The following BOD1L1 variants were observed in gnomAD, a reference collection of about 807,000 sequenced individuals.
BOD1L1 encodes the protein biorientation of chromosomes in cell division protein 1-like 1.
A neutral mutation model predicts 240.7 loss-of-function variants in BOD1L1; 86 were observed. The observed-to-expected ratio is 0.36, with a 90% CI of 0.30 to 0.43. The LOEUF (loss-of-function observed/expected upper bound fraction) is 0.43, where lower values mean the gene tolerates loss of function less well. Ranked by LOEUF, BOD1L1 falls within the 20% of genes least tolerant of loss-of-function variation. The pLI is 1.00. For missense variants in BOD1L1, 3,554 were observed against 3,643.5 expected (o/e 0.98, Z 0.63); for synonymous variants, 1,268 against 1,272.3 (o/e 1.00, Z 0.07).
intron 1 of BOD1L1, chr4:13,624,608 A>T (rs1242216951): frequency 6.6e-6 from 1 of 152,036 alleles, no homozygotes; most frequent in Non-Finnish European, 1.5e-5. Context: ...TTTACTAGAG[A>T]TGGGGTTTCA....
intron 8 of BOD1L1, among the ~76,000 whole-genome samples, chr4:13,607,433 G>C (rs947023513): frequency 1.3e-5 from 2 of 152,126 alleles, no homozygotes; most frequent in African/African-American, 4.8e-5. Context: ...CAAGTAGCTG[G>C]GATTACAGGC....
At position 13,627,477 on chromosome 4, in the gene BOD1L1, GCCGGGGCCAGCC is replaced by G. The variant is rs1717489047; in HGVS notation, c.99_110del (p.Pro36_Gly39del). ...CACCCGCGCCGCCCGCCCCGCCCGC[GCCGGGGCCAGCC>G]CCGGGGCCCGGCGGCGGCGGCGGTG... On this transcript the variant is annotated inframe_deletion, in exon 1 of 26. Transcript: ENST00000040738. The G allele has an allele frequency of 9.8e-7, 1 of 1,021,158 alleles. No homozygotes were observed. The highest frequency in any genetic ancestry group is 1.2e-6 in the Non-Finnish European group (1 of 857,768). 63.3% of individuals were successfully genotyped at this position (1,021,158 alleles called of 1,614,324 possible). A position where few individuals can be genotyped will look rare whatever the true frequency, so the allele number is the denominator to read the frequency against.
At chr4:13,574,180 T>C (rs1712499637) in intron 25 of BOD1L1, among the ~76,000 whole-genome samples, 1 of 152,030 alleles carries the variant, frequency 6.6e-6, no homozygotes, top group African/African-American at 2.4e-5. Context: ...AGTCAGAGAA[T>C]GCTAAGGAGG....
chr4:13,620,121 A>G, intron 1 of BOD1L1, 54 bp from the exon 2 acceptor site: 1 of 1,486,374 alleles, frequency 6.7e-7, no homozygotes, highest in Non-Finnish European at 9.0e-7. Flanking sequence ...ATCAATATTC[A>G]CCTCTCAGAA....
intron 25 of BOD1L1, among the ~76,000 whole-genome samples, chr4:13,573,545 A>T (rs1712433211): frequency 6.8e-6 from 1 of 146,072 alleles, no homozygotes. Flanking sequence ...TTCTTTTGAG[A>T]AAGAGCCTCG....
Position 13,601,419 on chromosome 4 carries a change from C to G in BOD1L1, c.5481G>C (p.Glu1827Asp). ...TGGCCACTGTGCTGTCCATTGCACT[C>G]TCTCCATTTTCTTCCGATTCAGAAC... Reference protein sequence around the residue: ...AISSESEENGESAMDSTVAKE... With the variant: ...AISSESEENGDSAMDSTVAKE... The change falls in exon 10 of 26, where the codon GAG (glutamate) becomes GAC (aspartate). Residue 1827 changes from glutamate to aspartate, a missense_variant. By Grantham distance (45) the Glu-to-Asp change is conservative. Coordinates refer to ENST00000040738, the MANE Select transcript of BOD1L1 (RefSeq NM_148894.3). 2.5e-6 allele frequency: 4 copies of G among 1,614,048 alleles called. No homozygotes were observed. The highest frequency in any genetic ancestry group is 2.2e-5 in the South Asian group (2 of 91,088).
Position 13,604,866 on chromosome 4 carries a change from C to T in BOD1L1, c.2034G>A (p.Arg678=). The part of the protein sequence containing the change: ...QEETDTRDVK[R]QVERSEICTE... ...TGCAAATTTCTGAGCGTTCTACTTGCCTTTTTACATCTCTTGTGTCAGTCT... is the reference window on the plus strand; with the variant it reads ...TGCAAATTTCTGAGCGTTCTACTTGTCTTTTTACATCTCTTGTGTCAGTCT... Residue 678 remains arginine, a synonymous_variant, in exon 10 of 26, where the codon AGG becomes AGA. Transcript: ENST00000040738. 6.2e-7 allele frequency: 1 copy of T among 1,612,180 alleles called. No homozygotes were observed. The highest frequency in any genetic ancestry group is 8.5e-7 in the Non-Finnish European group (1 of 1,179,484).
intron 13 of BOD1L1, 48 bp downstream of exon 13, chr4:13,591,869 ATAAAAT>A: frequency 7.2e-7 from 1 of 1,397,236 alleles, no homozygotes; most frequent in East Asian, 2.5e-5. Context: ...CTCCAAAAAA[ATAAAAT>A]TAAAAAACCC....
Position 13,599,845 on chromosome 4 carries a change from A to G in BOD1L1, c.7055T>C (p.Leu2352Pro), listed in dbSNP as rs143101535. The change falls in exon 10 of 26, where the codon CTG becomes CCG. Residue 2352 changes from leucine (L) to proline (P), a missense_variant. Coordinates refer to ENST00000040738, the MANE Select transcript of BOD1L1 (RefSeq NM_148894.3). ...GTTCCCTTCTGGGTTGTCTGCAGTC[A>G]GCTGATTCTCTTCATGTCTGTCAAT... ...ASIDRHEENQLTADNPEGNGD... is the reference protein window; with the variant it reads ...ASIDRHEENQPTADNPEGNGD... 7.4e-6 allele frequency: 12 copies of G among 1,613,994 alleles called. No individual in the cohort carries two copies. The highest frequency in any genetic ancestry group is 1.0e-5 in the Non-Finnish European group (12 of 1,179,880).
rs776774992 is a variant in BOD1L1 at position 13,601,545 on chromosome 4, T to C, written c.5355A>G (p.Thr1785=). The C allele has an allele frequency of 1.2e-6, 2 of 1,614,058 alleles. No individual in the cohort carries two copies. Among genetic ancestry groups the C allele is most frequent in the East Asian group, 2.2e-5 (1 of 44,888 alleles). The change falls in exon 10 of 26, where the codon ACA becomes ACG. Residue 1785 remains threonine, a synonymous_variant. Coordinates refer to ENST00000040738, the MANE Select transcript of BOD1L1 (RefSeq NM_148894.3). ...QEGDGSVNDG[T]EGESAVTSTG... ...TGCTGGTGACTGCACTCTCACCTTCTGTACCATCATTCACAGAACCATCTC... is the reference window on the plus strand; with the variant it reads ...TGCTGGTGACTGCACTCTCACCTTCCGTACCATCATTCACAGAACCATCTC...
chr4:13,603,427 G>A lies in BOD1L1; in HGVS notation c.3473C>T (p.Thr1158Ile), dbSNP rs764280007. The change falls in exon 10 of 26, where the codon ACT becomes ATT. Residue 1158 changes from threonine (T) to isoleucine (I), a missense_variant. Coordinates refer to ENST00000040738, the MANE Select transcript of BOD1L1 (RefSeq NM_148894.3). Reference protein sequence around the residue: ...DIDSENMKQKTSATVQKDELR... With the variant: ...DIDSENMKQKISATVQKDELR... ...TTCATCCTTTTGAACAGTGGCAGAA[G>A]TTTTTTGTTTCATATTTTCAGAGTC... The A allele has an allele frequency of 1.9e-6, 3 of 1,613,452 alleles. No individual in the cohort carries two copies. The highest frequency in any genetic ancestry group is 1.7e-5 in the Admixed American group (1 of 59,910).
At chr4:13,578,059 C>G (rs1203601202) in intron 22 of BOD1L1, 1 of 156,390 alleles carries the variant, frequency 6.4e-6, no homozygotes, top group Non-Finnish European at 1.4e-5. Flanking sequence ...TGCCCACCAC[C>G]ATGTCCAGCT....
At chr4:13,608,789 G>T (rs1433572912) in intron 7 of BOD1L1, 121 bp from the exon 8 acceptor site, 2 of 756,900 alleles carry the variant, frequency 2.6e-6, no homozygotes, top group Admixed American at 4.0e-5. Flanking sequence ...ATATTCTTAA[G>T]TTGTGCTGGA....
chr4:13,597,012 A>G lies in BOD1L1; in HGVS notation c.8019+92T>C, dbSNP rs145423198. On this transcript the variant is annotated intron_variant, in intron 11 of 25. Coordinates refer to ENST00000040738, the MANE Select transcript of BOD1L1 (RefSeq NM_148894.3). ...ATATCATAAGTACAATGAGAACAGG[A>G]CCTATATACCACATAAGTATATATA... The G allele has an allele frequency of 4.8e-3, 4,804 of 992,502 alleles. 36 individuals carry two copies. The highest frequency in any genetic ancestry group is 0.018 in the South Asian group (1,263 of 70,148). 61.5% of individuals were successfully genotyped at this position (992,502 alleles called of 1,614,324 possible).
Position 13,603,774 on chromosome 4 carries a change from G to A in BOD1L1, c.3126C>T (p.Asp1042=), listed in dbSNP as rs748030838. The A allele has an allele frequency of 6.2e-7, 1 of 1,613,354 alleles. No homozygotes were observed. Residue 1042 remains aspartate, a synonymous_variant, in exon 10 of 26, where the codon GAC becomes GAT. Transcript: ENST00000040738. ...IKKKDENKSD[D]KDGKEVDSSH... ...TACTGTCAACTTCTTTACCATCCTTGTCATCTGATTTATTTTCGTCCTTCT... is the reference window on the plus strand; with the variant it reads ...TACTGTCAACTTCTTTACCATCCTTATCATCTGATTTATTTTCGTCCTTCT...
chr4:13,614,114 T>C, intron 4 of BOD1L1, 82 bp downstream of exon 4: 1 of 1,246,246 alleles, frequency 8.0e-7, no homozygotes, highest in Non-Finnish European at 1.1e-6. Context: ...CTTATTAAAA[T>C]ATGAAGGCAA....
chr4:13,576,735 AGCATG>A, intron 25 of BOD1L1, 98 bp downstream of exon 25: 1 of 1,387,466 alleles, frequency 7.2e-7, no homozygotes, highest in Non-Finnish European at 9.7e-7. Context: ...CTTCCACTGC[AGCATG>A]AATGATTCAG....
chr4:13,582,588 G>T, intron 18 of BOD1L1, 64 bp downstream of exon 18: 2 of 1,262,540 alleles, frequency 1.6e-6, no homozygotes, highest in Non-Finnish European at 2.3e-6. Flanking sequence ...AGACGTTTCG[G>T]TTGAGAGACA....
chr4:13,576,462 T>C (rs951421885), intron 25 of BOD1L1, among the ~76,000 whole-genome samples: 1 of 152,134 alleles, frequency 6.6e-6, no homozygotes, highest in Admixed American at 6.5e-5. Context: ...TGGTTCCTCC[T>C]GCTTTCTGGG....
Sources: gnomAD v4.1 joint callset for allele counts (sites outside exome capture counted in the v4.1 genomes callset) on GRCh38, gnomAD v4.1.1 for gene constraint, MANE v1.5 for transcripts, NCBI Gene and HGNC (gene_info 2026-07-23, HGNC 2026-07-21) for gene names.